Variants in AGBL4 observed in about 807,000 individuals in gnomAD.
AGBL4 encodes the protein cytosolic carboxypeptidase 6.
AGBL4 carries 58 observed loss-of-function variants against 66.4 expected under a neutral mutation model. The observed-to-expected ratio is 0.87, with a 90% CI of 0.71 to 1.09. AGBL4 has a LOEUF of 1.09. AGBL4 is among the 50% of genes least tolerant of loss of function. The pLI is 0.00. For synonymous variants in AGBL4, 234 were observed against 222.9 expected, an observed-to-expected ratio of 1.05 and a Z score of -0.44; for missense variants, 579 against 631.0, an observed-to-expected ratio of 0.92 and a Z score of 0.88.
intron 5 of AGBL4, among the ~76,000 whole-genome samples, chr1:48,958,065 A>C (rs1257401409): frequency 6.6e-6 from 1 of 151,510 alleles, no homozygotes; most frequent in African/African-American, 2.4e-5. Flanking sequence ...TCACCGCGTT[A>C]CCCAGGATGG....
chr1:49,537,441 TAAC>T (rs1371512313), intron 3 of AGBL4, among the ~76,000 whole-genome samples: 1 of 151,914 alleles, frequency 6.6e-6, no homozygotes, highest in African/African-American at 2.4e-5. Context: ...AACAACTCAA[TAAC>T]AACAACAAAC....
intron 1 of AGBL4, among the ~76,000 whole-genome samples, chr1:49,962,059 C>T (rs1657161594): frequency 6.6e-6 from 1 of 152,070 alleles, no homozygotes; most frequent in Non-Finnish European, 1.5e-5. Context: ...AAGAGAAGCT[C>T]GGATGCTGCT....
chr1:49,157,248 C>G (rs375637295), intron 4 of AGBL4, among the ~76,000 whole-genome samples: 2 of 151,722 alleles, frequency 1.3e-5, no homozygotes, highest in African/African-American at 2.4e-5. Context: ...CCCCACCCCC[C>G]AGAAGGCCCC....
intron 3 of AGBL4, among the ~76,000 whole-genome samples, chr1:49,642,022 C>G (rs1303758567): frequency 6.7e-6 from 1 of 150,336 alleles, no homozygotes; most frequent in Non-Finnish European, 1.5e-5. Context: ...TATTTACATG[C>G]TTTCAGGTAA....
At chr1:49,775,277 T>A (rs538512616) in intron 2 of AGBL4, among the ~76,000 whole-genome samples, 1 of 152,272 alleles carries the variant, frequency 6.6e-6, no homozygotes, top group Non-Finnish European at 1.5e-5. Context: ...ATGGGGATAA[T>A]GATGGTATCT....
intron 3 of AGBL4, among the ~76,000 whole-genome samples, chr1:49,384,273 CG>C (rs1246383450): frequency 6.6e-6 from 1 of 151,686 alleles, no homozygotes; most frequent in African/African-American, 2.4e-5. Flanking sequence ...TTCAAAAATT[CG>C]GAAGAGACAA....
intron 1 of AGBL4, among the ~76,000 whole-genome samples, chr1:49,991,153 C>A (rs890980294): frequency 2.6e-5 from 4 of 152,102 alleles, no homozygotes; most frequent in African/African-American, 9.7e-5. Context: ...TATTATATGA[C>A]TGCAATATTT....
chr1:48,645,331 C>T (rs984569951), intron 8 of AGBL4, among the ~76,000 whole-genome samples: 2 of 152,186 alleles, frequency 1.3e-5, no homozygotes, highest in Non-Finnish European at 2.9e-5. Context: ...GAGCAAGTTA[C>T]TTAGCCTCTC....
intron 3 of AGBL4, among the ~76,000 whole-genome samples, chr1:49,353,176 G>C (rs1390602550): frequency 6.6e-6 from 1 of 152,164 alleles, no homozygotes. Context: ...CTCTGCTCTA[G>C]TCCGTCTCTG....
intron 3 of AGBL4, among the ~76,000 whole-genome samples, chr1:49,416,176 A>C (rs184618548): frequency 6.6e-6 from 1 of 152,218 alleles, no homozygotes; most frequent in Non-Finnish European, 1.5e-5. Flanking sequence ...TTATGTTTAT[A>C]TACTAGTCAA....
At chr1:48,655,164 C>T (rs1266242668) in intron 7 of AGBL4, among the ~76,000 whole-genome samples, 2 of 152,148 alleles carry the variant, frequency 1.3e-5, no homozygotes, top group Admixed American at 1.3e-4. Flanking sequence ...AAAGGCAGAC[C>T]AGAGGCTGCA....
At chr1:48,975,451 G>A (rs766754939) in intron 5 of AGBL4, among the ~76,000 whole-genome samples, 2 of 152,100 alleles carry the variant, frequency 1.3e-5, no homozygotes, top group Non-Finnish European at 2.9e-5. Context: ...GCAAGCTCCA[G>A]TAGGAAAACC....
At chr1:49,181,455 T>C (rs191524430) in intron 4 of AGBL4, among the ~76,000 whole-genome samples, 1 of 152,272 alleles carries the variant, frequency 6.6e-6, no homozygotes, top group East Asian at 1.9e-4. Flanking sequence ...GAAGAATGAA[T>C]CCTCAGCCAC....
chr1:48,710,958 G>C (rs61774568), intron 6 of AGBL4, among the ~76,000 whole-genome samples: 132,544 of 151,784 alleles, frequency 0.87, 60,526 homozygotes, highest in Non-Finnish European at 1. Context: ...GAAGCCTCCA[G>C]TGACAAACCT....
intron 1 of AGBL4, among the ~76,000 whole-genome samples, chr1:49,853,486 T>C (rs1646356588): frequency 6.6e-6 from 1 of 152,058 alleles, no homozygotes; most frequent in African/African-American, 2.4e-5. Flanking sequence ...CAGCAGAGCA[T>C]CCAAGAGCTG....
intron 3 of AGBL4, among the ~76,000 whole-genome samples, chr1:49,336,243 G>A (rs1645435408): frequency 6.6e-6 from 1 of 152,024 alleles, no homozygotes; most frequent in Non-Finnish European, 1.5e-5. Context: ...AGCCTATAGT[G>A]TAAGTTCCAG....
At chr1:49,838,488 T>A (rs1645909006) in intron 2 of AGBL4, among the ~76,000 whole-genome samples, 1 of 152,186 alleles carries the variant, frequency 6.6e-6, no homozygotes, top group South Asian at 2.1e-4. Context: ...AAAATGGAAT[T>A]AATTGCAAAT....
rs150680472 is a variant in AGBL4 at position 49,967,224 on chromosome 1, T to C, written c.34+56539A>G. 2.4e-4 allele frequency among the ~76,000 whole-genome samples: 37 copies of C among 152,332 alleles called. No homozygotes were observed. The East Asian group carries it at 5.8e-3, about 24-fold the overall frequency. On this transcript the variant is annotated intron_variant, in intron 1 of 13. Coordinates refer to ENST00000371839, the MANE Select transcript of AGBL4 (RefSeq NM_032785.4). ...TAACTGGTGTGAGATGGTATCTCACTGTGGTTTTGATTTGCATTTCTCTAA... is the reference window on the plus strand; with the variant it reads ...TAACTGGTGTGAGATGGTATCTCACCGTGGTTTTGATTTGCATTTCTCTAA...
intron 3 of AGBL4, among the ~76,000 whole-genome samples, chr1:49,551,982 G>A (rs1652993904): frequency 6.6e-6 from 1 of 152,140 alleles, no homozygotes; most frequent in Non-Finnish European, 1.5e-5. Context: ...GCTGCTATGG[G>A]GGATGGGGGT....
Sources: allele counts gnomAD v4.1 joint callset (sites outside exome capture counted in the v4.1 genomes callset), GRCh38; gene constraint gnomAD v4.1.1; transcripts MANE v1.5; gene names NCBI Gene and HGNC (gene_info 2026-07-23, HGNC 2026-07-21).